The following FNBP1 variants were observed in gnomAD, a reference collection of about 807,000 sequenced individuals.
FNBP1 encodes the protein formin binding protein 1, also known as formin-binding protein 1.
A neutral mutation model predicts 90.6 loss-of-function variants in FNBP1; 26 were observed. That is an observed-to-expected ratio of 0.29 (90% CI 0.21 to 0.40). FNBP1 has a LOEUF of 0.40. Among genes scored for constraint, FNBP1 ranks in the 10% least tolerant of loss-of-function variants. The probability of loss-of-function intolerance (pLI) is 1.00; values close to 1 mark genes in which losing one functional copy is unlikely to be tolerated. For missense variants in FNBP1, 635 were observed against 768.0 expected, an observed-to-expected ratio of 0.83 and a Z score of 2.05; for synonymous variants, 260 against 265.2, an observed-to-expected ratio of 0.98 and a Z score of 0.19.
intron 7 of FNBP1, among the ~76,000 whole-genome samples, chr9:129,928,804 GA>G (rs1319160448): frequency 6.6e-6 from 1 of 151,878 alleles, no homozygotes; most frequent in Non-Finnish European, 1.5e-5. Flanking sequence ...GCTTGATCTA[GA>G]TGCTTTAAAA....
intron 2 of FNBP1, among the ~76,000 whole-genome samples, chr9:129,984,745 T>C (rs1399656480): frequency 6.6e-6 from 1 of 152,032 alleles, no homozygotes; most frequent in African/African-American, 2.4e-5. Context: ...GGGGGGCCGG[T>C]CTTTCCCGTG....
intron 1 of FNBP1, among the ~76,000 whole-genome samples, chr9:130,000,610 T>C (rs1450205436): frequency 6.6e-6 from 1 of 152,240 alleles, no homozygotes; most frequent in African/African-American, 2.4e-5. Flanking sequence ...CATTTGTTTA[T>C]ATCAGTACCA....
At chr9:129,919,278 A>G in intron 10 of FNBP1, 2 of 1,104,786 alleles carry the variant, frequency 1.8e-6, no homozygotes, top group Non-Finnish European at 2.4e-6. Context: ...GATAAAATAA[A>G]TAAAATTAAC....
intron 1 of FNBP1, among the ~76,000 whole-genome samples, chr9:130,006,863 AAT>A (rs1405763662): frequency 6.6e-6 from 1 of 152,140 alleles, no homozygotes; most frequent in African/African-American, 2.4e-5. Context: ...ATATGATAAA[AAT>A]ATATGTGTGG....
upstream of FNBP1, among the ~76,000 whole-genome samples, chr9:130,046,430 A>T (rs1295226565): frequency 6.6e-6 from 1 of 151,988 alleles, no homozygotes; most frequent in Admixed American, 6.6e-5. Context: ...ATAGCTAAAC[A>T]CATAAAAGTC....
At chr9:130,048,535 G>C in the FNBP1 span, among the ~76,000 whole-genome samples, 3 of 134,182 alleles carry the variant, frequency 2.2e-5, no homozygotes, top group Non-Finnish European at 4.6e-5. Flanking sequence ...TCGCAGTGCA[G>C]TGGCGCGATC....
At chr9:129,998,438 C>T (rs1343833689) in intron 1 of FNBP1, among the ~76,000 whole-genome samples, 2 of 151,420 alleles carry the variant, frequency 1.3e-5, no homozygotes, top group South Asian at 2.1e-4. Flanking sequence ...CGCTCAAGCC[C>T]AGGAGGTGGA....
Position 129,955,833 on chromosome 9 carries a change from G to GCACACACA in FNBP1, c.513+1526_513+1527insTGTGTGTG, listed in dbSNP as rs10656523. On this transcript the variant is annotated intron_variant, in intron 6 of 16. Transcript: ENST00000446176. ...TATATACATATATACTTCTTTTAGC[G>GCACACACA]CGCACACACACACACACACACACAC... Among the ~76,000 whole-genome samples, 301 of 139,062 alleles carry GCACACACA rather than the reference G, an allele frequency of 2.2e-3. 1 individual carries two copies. Among genetic ancestry groups the GCACACACA allele is most frequent in the African/African-American group, 4.9e-3 (196 of 39,810 alleles). The allele number at this position is 139,062 out of a possible 152,430, so 91.2% of individuals were successfully genotyped here. A position where few individuals can be genotyped will look rare whatever the true frequency, so the allele number is the denominator to read the frequency against.
chr9:129,960,312 G>A (rs914585381), intron 4 of FNBP1, among the ~76,000 whole-genome samples: 1 of 149,870 alleles, frequency 6.7e-6, no homozygotes, highest in East Asian at 2.0e-4. Context: ...TAGGGGGCTG[G>A]AGGTTGCACT....
At chr9:129,940,331 A>G (rs1052108192) in intron 6 of FNBP1, among the ~76,000 whole-genome samples, 16 of 152,370 alleles carry the variant, frequency 1.1e-4, no homozygotes, top group African/African-American at 3.6e-4. Flanking sequence ...TAGATCAGGT[A>G]TATCTTCAAA....
Position 130,020,080 on chromosome 9 carries a change from C to T in FNBP1, c.24+22872G>A, listed in dbSNP as rs147587701. Among the ~76,000 whole-genome samples, 360 of 152,328 alleles carry T rather than the reference C, an allele frequency of 2.4e-3. 1 individual carries two copies. The highest frequency in any genetic ancestry group is 8.4e-3 in the African/African-American group (350 of 41,554). Reference sequence around the variant, plus strand: ...AGGAAATTCCTGTTGGCTGTCAAAACGCTACCATGATACAAATAGCATCAA... The same window carrying T: ...AGGAAATTCCTGTTGGCTGTCAAAATGCTACCATGATACAAATAGCATCAA... On this transcript the variant is annotated intron_variant, in intron 1 of 16. Coordinates refer to ENST00000446176, the MANE Select transcript of FNBP1 (RefSeq NM_015033.3).
intron 2 of FNBP1, among the ~76,000 whole-genome samples, chr9:129,992,360 G>A (rs1378324249): frequency 1.3e-5 from 2 of 152,088 alleles, no homozygotes; most frequent in African/African-American, 2.4e-5. Flanking sequence ...ACGTGTTGAC[G>A]AGACTGATAT....
At chr9:130,050,987 G>A in the FNBP1 span, among the ~76,000 whole-genome samples, 317 of 151,148 alleles carry the variant, frequency 2.1e-3, 2 homozygotes, top group African/African-American at 7.5e-3. Flanking sequence ...TGTAACCTCC[G>A]CTTCCCAAGT....
rs2047049859 is a variant in FNBP1 at position 129,957,035 on chromosome 9, CTTTT to C, written c.513+321_513+324del. Among the ~76,000 whole-genome samples the C allele has an allele frequency of 1.2e-5, 1 of 85,720 alleles. No homozygotes were observed. The highest frequency in any genetic ancestry group is 1.9e-4 in the Admixed American group (1 of 5,276). The allele number at this position is 85,720 out of a possible 152,430, so 56.2% of individuals were successfully genotyped here. The stretch of plus-strand genomic sequence containing the variant: ...GAAATGAAAGACACACTTGAGCTTT[CTTTT>C]GTCTTTTTTTTTTTTTGGCGATAGT... On this transcript the variant is annotated intron_variant, in intron 6 of 16. Transcript: ENST00000446176. This position sits in a 1 kb window ranked among gnomAD's most constrained non-coding sequence, Gnocchi z 4.3.
intron 4 of FNBP1, among the ~76,000 whole-genome samples, chr9:129,976,338 T>A (rs2050302845): frequency 6.6e-6 from 1 of 152,128 alleles, no homozygotes; most frequent in Non-Finnish European, 1.5e-5. Flanking sequence ...ACCAAAAGTG[T>A]CTCCAGACAC....
intron 2 of FNBP1, among the ~76,000 whole-genome samples, chr9:129,990,710 A>T (rs989977637): frequency 6.6e-6 from 1 of 152,116 alleles, no homozygotes; most frequent in Non-Finnish European, 1.5e-5. Context: ...TAGGGGATAG[A>T]GGTAGAATAA....
At chr9:130,005,062 C>CAAAAAAAAAAAAAA (rs573686773) in intron 1 of FNBP1, among the ~76,000 whole-genome samples, 1 of 92,840 alleles carries the variant, frequency 1.1e-5, no homozygotes, top group African/African-American at 4.3e-5. Context: ...AAGACTGTCT[C>CAAAAAAAAAAAAAA]AAAAAAAAAA....
At chr9:129,963,701 G>A (rs918870857) in intron 4 of FNBP1, among the ~76,000 whole-genome samples, 7 of 144,866 alleles carry the variant, frequency 4.8e-5, no homozygotes, top group African/African-American at 1.0e-4. Flanking sequence ...TGCAACTTCC[G>A]CCTCCTGGGT....
chr9:129,906,580 G>A (rs561064002), intron 12 of FNBP1, among the ~76,000 whole-genome samples: 7 of 152,100 alleles, frequency 4.6e-5, no homozygotes, highest in Non-Finnish European at 1.0e-4. Context: ...TTTGCCTTCC[G>A]CCATGATTGT....
Sources: allele counts gnomAD v4.1 joint callset (sites outside exome capture counted in the v4.1 genomes callset), GRCh38; gene constraint gnomAD v4.1.1; non-coding constraint Gnocchi (gnomAD v3.1); transcripts MANE v1.5; gene names NCBI Gene and HGNC (gene_info 2026-07-23, HGNC 2026-07-21).